Variants in DPP10 observed in about 807,000 individuals in gnomAD.
DPP10 encodes the protein inactive dipeptidyl peptidase 10.
A neutral mutation model predicts 120.9 loss-of-function variants in DPP10; 33 were observed. The ratio of observed to expected loss-of-function variants is 0.27; its 90% CI spans 0.21 to 0.37. DPP10 has a LOEUF of 0.37. Among genes scored for constraint, DPP10 ranks in the 10% least tolerant of loss-of-function variants. The pLI is 1.00. For synonymous variants in DPP10, 337 were observed against 326.1 expected, an observed-to-expected ratio of 1.03 and a Z score of -0.36; for missense variants, 816 against 942.8, an observed-to-expected ratio of 0.87 and a Z score of 1.76.
At chr2:115,698,894 A>C (rs1475850273) in intron 7 of DPP10, among the ~76,000 whole-genome samples, 1 of 152,100 alleles carries the variant, frequency 6.6e-6, no homozygotes, top group Admixed American at 6.6e-5. Context: ...AAAAAAGAAA[A>C]ACAAACTAAA....
intron 4 of DPP10, among the ~76,000 whole-genome samples, chr2:115,516,661 A>G (rs1352022734): frequency 1.4e-5 from 2 of 142,898 alleles, no homozygotes; most frequent in Admixed American, 7.1e-5. Context: ...TGCATCCTGT[A>G]TCTGTTATAA....
intron 4 of DPP10, among the ~76,000 whole-genome samples, chr2:115,520,601 T>G (rs1021930991): frequency 1.3e-5 from 2 of 152,176 alleles, no homozygotes; most frequent in African/African-American, 4.8e-5. Flanking sequence ...ACATCCCTAC[T>G]ACACAGTTCC....
intron 1 of DPP10, among the ~76,000 whole-genome samples, chr2:114,481,959 G>A (rs1681092355): frequency 6.7e-6 from 1 of 149,150 alleles, no homozygotes; most frequent in Non-Finnish European, 1.5e-5. Context: ...GAGGAGGAGA[G>A]GAGAGAGAGA....
At chr2:115,660,643 C>T (rs78998058) in intron 5 of DPP10, among the ~76,000 whole-genome samples, 12,124 of 88,360 alleles carry the variant, frequency 0.14, 665 homozygotes, top group Middle Eastern at 0.2. Context: ...TCCTTTCATT[C>T]TCTCTGTCTG....
At chr2:115,597,169 A>G (rs1451400879) in intron 5 of DPP10, among the ~76,000 whole-genome samples, 1 of 152,144 alleles carries the variant, frequency 6.6e-6, no homozygotes, top group African/African-American at 2.4e-5. Flanking sequence ...ATGTTTCCAC[A>G]GTATACTTCA....
At chr2:115,537,393 AAAAGT>A (rs2078914705) in intron 5 of DPP10, among the ~76,000 whole-genome samples, 1 of 152,066 alleles carries the variant, frequency 6.6e-6, no homozygotes, top group Non-Finnish European at 1.5e-5. Context: ...AGCATGGAGA[AAAAGT>A]AAAGTGAGTC....
chr2:114,890,403 C>A (rs761440884), intron 1 of DPP10, among the ~76,000 whole-genome samples: 1 of 152,108 alleles, frequency 6.6e-6, no homozygotes, highest in Non-Finnish European at 1.5e-5. Context: ...ACCCACTAAT[C>A]GCCTTTCCCC....
intron 3 of DPP10, among the ~76,000 whole-genome samples, chr2:115,383,641 T>A (rs576084360): frequency 6.6e-6 from 1 of 152,366 alleles, no homozygotes; most frequent in South Asian, 2.1e-4. Context: ...TGTCTGTGGA[T>A]ACCTCTGTTT....
chr2:114,664,400 G>A (rs575478244), intron 1 of DPP10, among the ~76,000 whole-genome samples: 51 of 151,960 alleles, frequency 3.4e-4, no homozygotes, highest in African/African-American at 1.2e-3. Context: ...AGGCCGAGGC[G>A]GATGGATCAC....
intron 1 of DPP10, among the ~76,000 whole-genome samples, chr2:115,175,028 T>A (rs973021403): frequency 1.3e-5 from 2 of 152,208 alleles, no homozygotes; most frequent in Non-Finnish European, 2.9e-5. Flanking sequence ...TCTTGAAGGA[T>A]TTAGCAAAAT....
intron 3 of DPP10, among the ~76,000 whole-genome samples, chr2:115,393,851 T>C (rs148049637): frequency 5.9e-5 from 9 of 152,304 alleles, no homozygotes. Flanking sequence ...AAGTAAGGGA[T>C]GGTGATACAT....
At chr2:114,518,456 G>C (rs1684786984) in intron 1 of DPP10, among the ~76,000 whole-genome samples, 1 of 152,128 alleles carries the variant, frequency 6.6e-6, no homozygotes, top group Non-Finnish European at 1.5e-5. Flanking sequence ...CCTTTGCTCT[G>C]CTTATGTTTT....
At chr2:114,469,209 C>T (rs534293291) in intron 1 of DPP10, among the ~76,000 whole-genome samples, 22 of 152,246 alleles carry the variant, frequency 1.4e-4, no homozygotes, top group South Asian at 6.2e-4. Context: ...ATTCCATCAT[C>T]TTAGGGCATC....
intron 1 of DPP10, among the ~76,000 whole-genome samples, chr2:114,961,448 CGT>C (rs74265866): frequency 0.34 from 51,484 of 150,022 alleles, 9,011 homozygotes; most frequent in Middle Eastern, 0.46. Flanking sequence ...TGTTTGAATG[CGT>C]GTGTGTGTGT....
intron 1 of DPP10, among the ~76,000 whole-genome samples, chr2:114,764,112 G>A: frequency 6.6e-6 from 1 of 152,102 alleles, no homozygotes; most frequent in East Asian, 1.9e-4. Flanking sequence ...TGCTTAAATA[G>A]TTACTAGGAA....
chr2:114,543,036 C>T (rs1261830723), intron 1 of DPP10, among the ~76,000 whole-genome samples: 2 of 152,164 alleles, frequency 1.3e-5, no homozygotes, highest in Admixed American at 6.6e-5. Context: ...ATTTAAATTA[C>T]GTTTTCACCA....
At chr2:115,473,880 CAT>C (rs1278492761) in intron 3 of DPP10, among the ~76,000 whole-genome samples, 1 of 152,066 alleles carries the variant, frequency 6.6e-6, no homozygotes, top group Non-Finnish European at 1.5e-5. Flanking sequence ...TTGACTCCCT[CAT>C]AAAGCTATTG....
chr2:115,459,054 A>G (rs1054221107), intron 3 of DPP10, among the ~76,000 whole-genome samples: 5 of 152,156 alleles, frequency 3.3e-5, no homozygotes, highest in African/African-American at 1.2e-4. Context: ...CACTGCAAAC[A>G]GCATTGGTTA....
chr2:115,014,084 A>G (rs771678396), intron 1 of DPP10, among the ~76,000 whole-genome samples: 1 of 152,162 alleles, frequency 6.6e-6, no homozygotes, highest in Non-Finnish European at 1.5e-5. Context: ...AATTGACCAC[A>G]TAATTGGAAG....
Sources: gnomAD v4.1 joint callset for allele counts (sites outside exome capture counted in the v4.1 genomes callset) on GRCh38, gnomAD v4.1.1 for gene constraint, MANE v1.5 for transcripts, NCBI Gene and HGNC (gene_info 2026-07-23, HGNC 2026-07-21) for gene names.